The following LINGO2 variants were observed in gnomAD, a reference collection of about 807,000 sequenced individuals.
LINGO2 encodes the protein leucine-rich repeat and immunoglobulin-like domain-containing nogo receptor-interacting protein 2.
A neutral mutation model predicts 30.6 loss-of-function variants in LINGO2; 14 were observed. That is an observed-to-expected ratio of 0.46 (90% confidence interval 0.30 to 0.72). The LOEUF (loss-of-function observed/expected upper bound fraction) is 0.72. LINGO2 is among the 30% of genes least tolerant of loss of function. The pLI is 0.07. For missense variants in LINGO2, 729 were observed against 751.7 expected (o/e 0.97, Z 0.35); for synonymous variants, 317 against 288.5 (o/e 1.10, Z -1.00).
chr9:28,566,105 G>C (rs1823367152), intron 1 of LINGO2, among the ~76,000 whole-genome samples: 1 of 152,124 alleles, frequency 6.6e-6, no homozygotes, highest in South Asian at 2.1e-4. Flanking sequence ...CAGCTCATCA[G>C]AATGGACACT....
At chr9:29,203,980 C>T in the LINGO2 span, among the ~76,000 whole-genome samples, 1 of 152,142 alleles carries the variant, frequency 6.6e-6, no homozygotes, top group South Asian at 2.1e-4. Flanking sequence ...CAGGTTTCAA[C>T]TCAAGACTAA....
chr9:28,098,092 G>A (rs1826300575), intron 4 of LINGO2, among the ~76,000 whole-genome samples: 1 of 152,116 alleles, frequency 6.6e-6, no homozygotes, highest in African/African-American at 2.4e-5. Context: ...ATCACTTGAG[G>A]TCAGGAATTT....
chr9:29,029,296 A>G, the LINGO2 span, among the ~76,000 whole-genome samples: 1 of 152,184 alleles, frequency 6.6e-6, no homozygotes, highest in Non-Finnish European at 1.5e-5. Flanking sequence ...CACAAATTTT[A>G]TAACCTCTAA....
At chr9:28,143,149 T>C (rs1403521691) in intron 4 of LINGO2, among the ~76,000 whole-genome samples, 2 of 152,214 alleles carry the variant, frequency 1.3e-5, no homozygotes, top group African/African-American at 2.4e-5. Flanking sequence ...ACCATCATTT[T>C]CTATAACTGC....
chr9:28,443,530 GCCTGCTCCTGCTCCCTGGCCTCTCC>G (rs1824283056), intron 2 of LINGO2, among the ~76,000 whole-genome samples: 1 of 152,242 alleles, frequency 6.6e-6, no homozygotes, highest in African/African-American at 2.4e-5. Context: ...GGCTTGATGT[GCCTGCTCCTGCTCCCTGGCCTCTCC>G]CCACTTCCAG....
At chr9:28,190,132 T>C (rs1819768224) in intron 4 of LINGO2, among the ~76,000 whole-genome samples, 2 of 152,178 alleles carry the variant, frequency 1.3e-5, no homozygotes, top group Non-Finnish European at 2.9e-5. Flanking sequence ...TCAAGTTTCC[T>C]TAGCTCCATA....
At chr9:28,052,165 A>AT (rs1203897490) in intron 4 of LINGO2, among the ~76,000 whole-genome samples, 5 of 152,126 alleles carry the variant, frequency 3.3e-5, no homozygotes, top group Non-Finnish European at 7.4e-5. Context: ...TCTGTAGTGA[A>AT]TTCAACAAAA....
At chr9:28,799,914 T>C in the LINGO2 span, among the ~76,000 whole-genome samples, 4,603 of 152,230 alleles carry the variant, frequency 0.03, 235 homozygotes, top group African/African-American at 0.1. Flanking sequence ...GAAATTATAG[T>C]GTAAGCTGAT....
At chr9:27,965,541 A>G (rs932953737) in intron 5 of LINGO2, among the ~76,000 whole-genome samples, 3 of 151,958 alleles carry the variant, frequency 2.0e-5, no homozygotes, top group African/African-American at 7.2e-5. Context: ...ACATGAATTC[A>G]TCTTGTATTC....
intron 2 of LINGO2, among the ~76,000 whole-genome samples, chr9:28,380,085 A>G (rs544448942): frequency 2.6e-5 from 4 of 152,210 alleles, no homozygotes; most frequent in Admixed American, 2.6e-4. Context: ...AGTTAACTAG[A>G]TGCCACACAG....
At chr9:28,316,086 CAGAA>C (rs1161872851) in intron 3 of LINGO2, among the ~76,000 whole-genome samples, 7 of 151,924 alleles carry the variant, frequency 4.6e-5, no homozygotes, top group Non-Finnish European at 7.4e-5. Context: ...ATAGAATTGT[CAGAA>C]ACTTTAAATG....
chr9:29,120,289 A>G, the LINGO2 span, among the ~76,000 whole-genome samples: 1 of 152,204 alleles, frequency 6.6e-6, no homozygotes, highest in African/African-American at 2.4e-5. Context: ...AACTACAGAA[A>G]TACAACACAC....
intron 4 of LINGO2, among the ~76,000 whole-genome samples, chr9:28,046,452 A>G (rs1337530688): frequency 2.0e-5 from 3 of 152,140 alleles, no homozygotes; most frequent in African/African-American, 4.8e-5. Flanking sequence ...GGTGGACGCT[A>G]CTGGTCCTGG....
chr9:28,376,290 C>T (rs189830971), intron 2 of LINGO2, among the ~76,000 whole-genome samples: 9 of 152,056 alleles, frequency 5.9e-5, no homozygotes, highest in Admixed American at 4.6e-4. Flanking sequence ...AGAAGCGAAG[C>T]GAGAGATATT....
rs928698214 is a variant in LINGO2, at chr9:28,122,658, G to C, written c.-86-110253C>G. Among the ~76,000 whole-genome samples, 7 of 152,202 alleles carry C rather than the reference G, an allele frequency of 4.6e-5. No individual in the cohort carries two copies. The South Asian group carries it at 8.3e-4, about 18-fold the overall frequency. ...TTCCTCCTCCTGGACTTCTTCCTGG[G>C]AATTAAAAGCAACCTATCCCAGGAT... On this transcript the variant is annotated intron_variant, in intron 4 of 5. Transcript: ENST00000379992.
chr9:28,640,853 G>C (rs1827540572), intron 1 of LINGO2, among the ~76,000 whole-genome samples: 1 of 152,142 alleles, frequency 6.6e-6, no homozygotes, highest in Non-Finnish European at 1.5e-5. Context: ...ATCCAGCTTT[G>C]TTCTGTTGCT....
intron 1 of LINGO2, among the ~76,000 whole-genome samples, chr9:28,600,840 T>G (rs1410444854): frequency 6.6e-6 from 1 of 152,130 alleles, no homozygotes; most frequent in Non-Finnish European, 1.5e-5. Flanking sequence ...GTTTTTACCA[T>G]GAATTTACAC....
intron 4 of LINGO2, among the ~76,000 whole-genome samples, chr9:28,160,294 C>A (rs185498971): frequency 2.6e-5 from 4 of 152,250 alleles, no homozygotes; most frequent in Admixed American, 6.5e-5. Context: ...TGAGCTTGCA[C>A]TGATATCTGT....
chr9:29,029,057 A>G, the LINGO2 span, among the ~76,000 whole-genome samples: 1 of 152,134 alleles, frequency 6.6e-6, no homozygotes, highest in African/African-American at 2.4e-5. Flanking sequence ...AACTGGAGGC[A>G]CTCAAGCTTC....
Sources: allele counts gnomAD v4.1 joint callset (sites outside exome capture counted in the v4.1 genomes callset), GRCh38; gene constraint gnomAD v4.1.1; transcripts MANE v1.5; gene names NCBI Gene and HGNC (gene_info 2026-07-23, HGNC 2026-07-21).